The following USP18 variants were observed in gnomAD, a reference collection of about 807,000 sequenced individuals.
USP18 encodes the protein ubl carboxyl-terminal hydrolase 18.
In USP18, 11 loss-of-function variants were observed where a neutral mutation model predicts 48.7. The ratio of observed to expected loss-of-function variants is 0.23; its 90% CI spans 0.14 to 0.37. The LOEUF (loss-of-function observed/expected upper bound fraction) is 0.37. Among genes scored for constraint, USP18 ranks in the 10% least tolerant of loss-of-function variants. The pLI, the probability that USP18 is intolerant of heterozygous loss-of-function variation, is 1.00. For synonymous variants in USP18, 114 were observed against 163.2 expected (o/e 0.70, Z 2.30); for missense variants, 285 against 436.4 (o/e 0.65, Z 3.09).
At chr22:18,167,590 C>A (rs531442493) in intron 5 of USP18, among the ~76,000 whole-genome samples, 2 of 150,016 alleles carry the variant, frequency 1.3e-5, no homozygotes, top group South Asian at 4.2e-4. Context: ...CCCAGCTACT[C>A]GGGAGGCTGA....
intron 6 of USP18, among the ~76,000 whole-genome samples, 166 bp from the exon 7 acceptor site, chr22:18,169,678 G>A (rs1453723425): frequency 6.6e-6 from 1 of 152,174 alleles, no homozygotes. Context: ...AGCAGATGCT[G>A]CCATGCTTCC....
chr22:18,163,536 G>A (rs1379881800), intron 4 of USP18, among the ~76,000 whole-genome samples: 2 of 151,908 alleles, frequency 1.3e-5, no homozygotes, highest in South Asian at 2.1e-4. Context: ...CCAGCTACTC[G>A]GGAGGCTGAG....
chr22:18,154,517 GT>G (rs1929077752), intron 1 of USP18, among the ~76,000 whole-genome samples: 1 of 152,142 alleles, frequency 6.6e-6, no homozygotes, highest in Non-Finnish European at 1.5e-5. Flanking sequence ...CACAATCATA[GT>G]TCAGTGCAGC....
chr22:18,158,411 C>T (rs1268021949), intron 2 of USP18, among the ~76,000 whole-genome samples: 1 of 152,222 alleles, frequency 6.6e-6, no homozygotes, highest in East Asian at 1.9e-4. Flanking sequence ...AGGCACTTAG[C>T]ATTAGTTCCC....
chr22:18,155,949 C>G (rs567320823), intron 1 of USP18, among the ~76,000 whole-genome samples: 1 of 152,356 alleles, frequency 6.6e-6, no homozygotes, highest in South Asian at 2.1e-4. Flanking sequence ...CAGCTGGGCT[C>G]CTGAGTCTGG....
chr22:18,170,159 A>T (rs1376636656), intron 7 of USP18, among the ~76,000 whole-genome samples: 1 of 150,856 alleles, frequency 6.6e-6, no homozygotes, highest in Non-Finnish European at 1.5e-5. Context: ...ACTCGTGCCT[A>T]TGGGGGAGGG....
At chr22:18,167,802 T>A (rs1929518846) in intron 5 of USP18, 88 bp from the exon 6 acceptor site, 2 of 1,467,860 alleles carry the variant, frequency 1.4e-6, no homozygotes, top group Non-Finnish European at 1.8e-6. Flanking sequence ...GTGAGGAGCT[T>A]CTGTCTCTTG....
chr22:18,160,283 C>T lies in USP18; in HGVS notation c.254+15C>T, dbSNP rs759114885. ...ATATTGAAGAGGTAAGACTGTTCTTCAGGCTGATGAGCATTTGTATTATTT... is the reference window on the plus strand; with the variant it reads ...ATATTGAAGAGGTAAGACTGTTCTTTAGGCTGATGAGCATTTGTATTATTT... On this transcript the variant is annotated intron_variant, in intron 3 of 10. Coordinates refer to ENST00000215794, the MANE Select transcript of USP18 (RefSeq NM_017414.4). The T allele has an allele frequency of 2.5e-6, 4 of 1,613,526 alleles. No homozygotes were observed. The highest frequency in any genetic ancestry group is 2.2e-5 in the East Asian group (1 of 44,868).
intron 5 of USP18, among the ~76,000 whole-genome samples, 154 bp downstream of exon 5, chr22:18,167,488 G>C (rs1354152598): frequency 6.6e-6 from 1 of 152,106 alleles, no homozygotes; most frequent in Non-Finnish European, 1.5e-5. Flanking sequence ...ACGAGGTCAG[G>C]AGATCGAGAC....
chr22:18,167,559 G>A (rs1023365885), intron 5 of USP18, among the ~76,000 whole-genome samples: 11 of 152,124 alleles, frequency 7.2e-5, no homozygotes, highest in African/African-American at 1.9e-4. Context: ...TTAGCTGGGC[G>A]TGGTGGCGGG....
chr22:18,171,025 C>T, intron 8 of USP18, 105 bp downstream of exon 8: 1 of 457,886 alleles, frequency 2.2e-6, no homozygotes, highest in Non-Finnish European at 3.6e-6. Flanking sequence ...ACCTGTTCCT[C>T]AGAGACTGTC....
intron 2 of USP18, 143 bp downstream of exon 2, chr22:18,157,963 C>G: frequency 8.2e-7 from 1 of 1,212,424 alleles, no homozygotes; most frequent in Non-Finnish European, 1.1e-6. Context: ...GATGGGGATA[C>G]AGCCTGGGCC....
chr22:18,158,899 G>A (rs1929241525), intron 2 of USP18, among the ~76,000 whole-genome samples: 1 of 152,058 alleles, frequency 6.6e-6, no homozygotes, highest in African/African-American at 2.4e-5. Flanking sequence ...CGATTTGAAT[G>A]AAAGGAAGCC....
intron 1 of USP18, among the ~76,000 whole-genome samples, chr22:18,156,365 C>T (rs1431885542): frequency 6.6e-6 from 1 of 152,196 alleles, no homozygotes; most frequent in South Asian, 2.1e-4. Flanking sequence ...GCAACCTGGT[C>T]AGGTTTCCTT....
intron 8 of USP18, among the ~76,000 whole-genome samples, chr22:18,172,099 GCAA>G (rs1427089725): frequency 1.3e-5 from 2 of 152,084 alleles, no homozygotes; most frequent in African/African-American, 2.4e-5. Flanking sequence ...CTCCATCTTT[GCAA>G]CAACAACAAA....
chr22:18,168,516 C>T (rs1929543585), intron 6 of USP18, among the ~76,000 whole-genome samples: 1 of 152,128 alleles, frequency 6.6e-6, no homozygotes, highest in African/African-American at 2.4e-5. Context: ...CTGCCTCAGC[C>T]TCCCAAGTAG....
intron 10 of USP18, 78 bp downstream of exon 10, chr22:18,173,920 TC>T (rs1238390045): frequency 6.7e-7 from 1 of 1,496,644 alleles, no homozygotes; most frequent in Non-Finnish European, 9.1e-7. Context: ...GCCCATGGAT[TC>T]CCCTGTTACT....
chr22:18,170,362 C>T (rs906932986), intron 7 of USP18, among the ~76,000 whole-genome samples: 10 of 152,156 alleles, frequency 6.6e-5, no homozygotes, highest in South Asian at 2.1e-4. Context: ...GTATCTGGGA[C>T]GCTGTGGTTC....
chr22:18,151,697 T>C (rs1929003862), intron 1 of USP18, among the ~76,000 whole-genome samples: 1 of 152,072 alleles, frequency 6.6e-6, no homozygotes, highest in Admixed American at 6.6e-5. Flanking sequence ...ATTTCCCTAT[T>C]ATGTGGTTTT....
Sources: allele counts gnomAD v4.1 joint callset (sites outside exome capture counted in the v4.1 genomes callset), GRCh38; gene constraint gnomAD v4.1.1; transcripts MANE v1.5; gene names NCBI Gene and HGNC (gene_info 2026-07-23, HGNC 2026-07-21).